The following HK1 variants were observed in gnomAD, a reference collection of about 807,000 sequenced individuals.
The protein encoded by HK1 is hexokinase-1.
Under a neutral mutation model 91.6 loss-of-function variants are expected in HK1, and 28 were observed. That is an observed-to-expected ratio of 0.31 (90% CI 0.23 to 0.42). The LOEUF (loss-of-function observed/expected upper bound fraction) is 0.42, where lower values mean the gene tolerates loss of function less well. Ranked by LOEUF, HK1 falls within the 10% of genes least tolerant of loss-of-function variation. The pLI, the probability that HK1 is intolerant of heterozygous loss-of-function variation, is 1.00. For missense variants in HK1, 770 were observed against 1,219.8 expected, an observed-to-expected ratio of 0.63 and a Z score of 5.49; for synonymous variants, 430 against 468.1, an observed-to-expected ratio of 0.92 and a Z score of 1.05.
rs1238007504 is a variant in HK1 at position 69,395,077 on chromosome 10, G to C, written c.2347G>C (p.Glu783Gln). 3 of 1,613,982 alleles carry C rather than the reference G, an allele frequency of 1.9e-6. No individual in the cohort carries two copies. In the South Asian group the frequency reaches 3.3e-5, roughly 18 times the overall value. Residue 783 changes from glutamate (E) to glutamine (Q), a missense_variant, in exon 16 of 18, where the codon GAG becomes CAG. Around this residue, in one of 7 missense-constraint regions of HK1, gnomAD observed 25 missense variants for 74.1 expected, o/e 0.34. Coordinates refer to ENST00000359426, the MANE Select transcript of HK1 (RefSeq NM_000188.3). ...GACGCTGAAGACCCGGGGCATCTTT[G>C]AGACCAAGTTTCTCTCTCAGATCGA... Reference protein sequence around the residue: ...SETLKTRGIFETKFLSQIESD... With the variant: ...SETLKTRGIFQTKFLSQIESD...
chr10:69,319,276 T>G, intron 1 of HK1: 1 of 562,608 alleles, frequency 1.8e-6, no homozygotes, highest in Non-Finnish European at 3.2e-6. Flanking sequence ...AAACGGGCCC[T>G]GGATGTCAGA....
intron 1 of HK1, among the ~76,000 whole-genome samples, chr10:69,336,884 A>G (rs982769224): frequency 1.3e-5 from 2 of 151,648 alleles, no homozygotes; most frequent in African/African-American, 4.8e-5. Flanking sequence ...CTCTCAAGTG[A>G]TCCACCCGCC....
At chr10:69,315,740 C>T (rs1846604356), upstream of HK1, 1 of 623,706 alleles carries the variant, frequency 1.6e-6, no homozygotes, top group Admixed American at 2.2e-5. Context: ...AGACAGTCAC[C>T]CATATCAGTT....
chr10:69,384,277 G>C, intron 10 of HK1, 56 bp from the exon 11 acceptor site: 2 of 1,608,458 alleles, frequency 1.2e-6, no homozygotes, highest in Non-Finnish European at 1.7e-6. Flanking sequence ...GGGGTTACTG[G>C]CTGCCAAGAG....
intron 4 of HK1, chr10:69,295,733 A>G: frequency 8.6e-7 from 1 of 1,158,596 alleles, no homozygotes; most frequent in Non-Finnish European, 1.3e-6. Context: ...TCTGTAAAAG[A>G]TAGTGCGTGG....
intron 3 of HK1, among the ~76,000 whole-genome samples, chr10:69,362,239 A>G (rs76644204): frequency 0.048 from 7,281 of 152,022 alleles, 587 homozygotes; most frequent in African/African-American, 0.17. Context: ...TTTATTTTAA[A>G]TTATTAAAAA....
chr10:69,281,503 C>T (rs985336413), intron 1 of HK1, among the ~76,000 whole-genome samples: 1 of 152,210 alleles, frequency 6.6e-6, no homozygotes, highest in African/African-American at 2.4e-5. Flanking sequence ...AAAACTCTGA[C>T]TTAGACCAAT....
intron 10 of HK1, among the ~76,000 whole-genome samples, chr10:69,383,409 G>C (rs1839487767): frequency 6.6e-6 from 1 of 152,244 alleles, no homozygotes; most frequent in African/African-American, 2.4e-5. Flanking sequence ...CACTGGAGCT[G>C]ATCATTATGG....
intron 1 of HK1, among the ~76,000 whole-genome samples, chr10:69,331,150 G>A (rs1228919821): frequency 6.6e-6 from 1 of 152,134 alleles, no homozygotes; most frequent in Non-Finnish European, 1.5e-5. Flanking sequence ...AAAGTGCTGG[G>A]ATCACAGGCA....
chr10:69,320,591 C>T (rs1362855033), intron 1 of HK1, among the ~76,000 whole-genome samples: 2 of 152,128 alleles, frequency 1.3e-5, no homozygotes, highest in Non-Finnish European at 2.9e-5. Flanking sequence ...GTTCTCCCGG[C>T]ATGGCAAGAA....
chr10:69,366,549 C>G (rs1234150947), intron 4 of HK1, among the ~76,000 whole-genome samples: 1 of 152,076 alleles, frequency 6.6e-6, no homozygotes, highest in Non-Finnish European at 1.5e-5. Context: ...GGACCAGGGT[C>G]CCAGGCCCCA....
At chr10:69,303,758 G>C (rs529966788) in intron 5 of HK1, among the ~76,000 whole-genome samples, 25 of 152,280 alleles carry the variant, frequency 1.6e-4, no homozygotes, top group Non-Finnish European at 3.1e-4. Flanking sequence ...CATCAACAGG[G>C]GAATTGCAAT....
intron 1 of HK1, among the ~76,000 whole-genome samples, chr10:69,342,275 G>A (rs370052225): frequency 6.6e-6 from 1 of 152,206 alleles, no homozygotes; most frequent in African/African-American, 2.4e-5. Context: ...GGAGCCTTCT[G>A]TGTGCAAGGC....
chr10:69,362,858 G>T (rs1232955963), intron 3 of HK1, among the ~76,000 whole-genome samples: 1 of 152,204 alleles, frequency 6.6e-6, no homozygotes, highest in Non-Finnish European at 1.5e-5. Context: ...TCTGGGGAGG[G>T]TCATGTGTCA....
intron 1 of HK1, among the ~76,000 whole-genome samples, chr10:69,324,744 C>T (rs1471920387): frequency 6.6e-6 from 1 of 152,162 alleles, no homozygotes; most frequent in Non-Finnish European, 1.5e-5. Flanking sequence ...TTAAGTGCTT[C>T]AGGAAGCTGC....
rs182078824 is a variant in HK1, at chr10:69,293,924, T to C, written c.-114-1709T>C. On this transcript the variant is annotated intron_variant, in intron 3 of 21. Coordinates refer to the HK1 transcript ENST00000360289. ...TGGCTCAGGCTGGAGTGCAGTGGCGTGATCTCGGCTCACTGCAAGCTCCGC... is the reference window on the plus strand; with the variant it reads ...TGGCTCAGGCTGGAGTGCAGTGGCGCGATCTCGGCTCACTGCAAGCTCCGC... Among the ~76,000 whole-genome samples the C allele has an allele frequency of 1.9e-3, 281 of 145,780 alleles. 1 individual carries two copies. The highest frequency in any genetic ancestry group is 0.011 in the Middle Eastern group (3 of 284).
chr10:69,380,076 C>G lies in HK1; in HGVS notation c.1246C>G (p.Leu416Val). 1 of 1,613,856 alleles carries G rather than the reference C, an allele frequency of 6.2e-7. No homozygotes were observed. Among genetic ancestry groups the G allele is most frequent in the Non-Finnish European group, 8.5e-7 (1 of 1,179,796 alleles). ...LRTTVGVDGS[L>V]YKTHPQYSRR... is the part of the protein sequence containing the mutation. Reference sequence around the variant, plus strand: ...GACCACGGTTGGTGTCGACGGATCTCTTTACAAGACGCACCCACAGTGAGT... The same window carrying G: ...GACCACGGTTGGTGTCGACGGATCTGTTTACAAGACGCACCCACAGTGAGT... The change falls in exon 9 of 18, where the codon CTT becomes GTT. Residue 416 changes from leucine (L) to valine (V), a missense_variant. This residue lies in a region of HK1 where 449 missense variants were observed against 665.1 expected (regional missense o/e 0.68). Transcript: ENST00000359426. The surrounding 1 kb of genome is among the most constrained non-coding windows in gnomAD (Gnocchi z 4.0).
chr10:69,357,968 T>C (rs1343531711), intron 2 of HK1, among the ~76,000 whole-genome samples: 1 of 152,212 alleles, frequency 6.6e-6, no homozygotes, highest in Non-Finnish European at 1.5e-5. Context: ...TTGAATTGTA[T>C]ACTTTAAATG....
intron 7 of HK1, among the ~76,000 whole-genome samples, chr10:69,375,236 C>G (rs1211058667): frequency 6.6e-6 from 1 of 152,214 alleles, no homozygotes; most frequent in Non-Finnish European, 1.5e-5. Context: ...GCCACAGGCA[C>G]TCATTGTTAG....
Sources: gnomAD v4.1 joint callset for allele counts (sites outside exome capture counted in the v4.1 genomes callset) on GRCh38, gnomAD v4.1.1 for gene constraint, gnomAD v4.1.1 regional missense constraint, Gnocchi (gnomAD v3.1) non-coding constraint, MANE v1.5 for transcripts, NCBI Gene and HGNC (gene_info 2026-07-23, HGNC 2026-07-21) for gene names.